The following NDUFA8 variants were observed in gnomAD, a reference collection of about 807,000 sequenced individuals.
NDUFA8 encodes the protein NADH dehydrogenase [ubiquinone] 1 alpha subcomplex subunit 8.
A neutral mutation model predicts 20.9 loss-of-function variants in NDUFA8; 16 were observed. The observed-to-expected ratio is 0.77, with a 90% confidence interval of 0.52 to 1.16. NDUFA8 has a LOEUF of 1.16. NDUFA8 is among the 50% of genes most tolerant of loss of function. The pLI is 0.00. For missense variants in NDUFA8, 202 were observed against 216.4 expected (o/e 0.93, Z 0.42); for synonymous variants, 70 against 76.1 (o/e 0.92, Z 0.41).
intron 2 of NDUFA8, among the ~76,000 whole-genome samples, chr9:122,149,686 TG>T (rs1249770865): frequency 6.6e-6 from 1 of 152,232 alleles, no homozygotes; most frequent in African/African-American, 2.4e-5. Context: ...GGCTGGATGC[TG>T]TGGCTCATGC....
chr9:122,140,568 T>G (rs1262233521), downstream of NDUFA8, among the ~76,000 whole-genome samples: 2 of 152,206 alleles, frequency 1.3e-5, no homozygotes, highest in Non-Finnish European at 2.9e-5. Flanking sequence ...GTTAATCATT[T>G]CCTGGATGTT....
At chr9:122,149,076 G>A (rs1447790122) in intron 2 of NDUFA8, among the ~76,000 whole-genome samples, 2 of 152,124 alleles carry the variant, frequency 1.3e-5, no homozygotes, top group African/African-American at 4.8e-5. Flanking sequence ...CCATACTTGA[G>A]GCAGTGAAAT....
intron 3 of NDUFA8, among the ~76,000 whole-genome samples, chr9:122,146,127 C>A (rs1828901723): frequency 6.6e-6 from 1 of 152,164 alleles, no homozygotes; most frequent in South Asian, 2.1e-4. Context: ...GCCTGGGTGA[C>A]AGAGTGAGAC....
At chr9:122,145,066 A>G (rs1256040261) in intron 3 of NDUFA8, among the ~76,000 whole-genome samples, 1 of 152,230 alleles carries the variant, frequency 6.6e-6, no homozygotes, top group Non-Finnish European at 1.5e-5. Context: ...AATTGTACAC[A>G]AAGCCAGATA....
chr9:122,143,954 T>C, downstream of NDUFA8: 1 of 837,760 alleles, frequency 1.2e-6, no homozygotes, highest in Non-Finnish European at 1.6e-6. Flanking sequence ...AGCGAGTGCC[T>C]AAAGCAAAGC....
chr9:122,144,786 G>C (rs1401182061), intron 3 of NDUFA8, among the ~76,000 whole-genome samples: 3 of 152,166 alleles, frequency 2.0e-5, no homozygotes, highest in Non-Finnish European at 4.4e-5. Flanking sequence ...TATTTTTAAG[G>C]AGGTAAGACT....
At chr9:122,134,855 A>C in the NDUFA8 span, among the ~76,000 whole-genome samples, 2 of 152,114 alleles carry the variant, frequency 1.3e-5, no homozygotes, top group African/African-American at 4.8e-5. Context: ...CATTCCTGAC[A>C]CTGGACTTGG....
chr9:122,156,804 C>A (rs1234382829), intron 1 of NDUFA8, among the ~76,000 whole-genome samples: 2 of 152,226 alleles, frequency 1.3e-5, no homozygotes, highest in East Asian at 3.8e-4. Flanking sequence ...TATACTTGTT[C>A]TTTGCTCTCT....
At position 122,159,725 on chromosome 9, in the gene NDUFA8, C is replaced by T; in HGVS notation, c.-48G>A. ...ACGAGAAGCCCTCAGCCGCGTCGCC[C>T]CCGTCTCCTTGAACTCCCCTTTCGA... On this transcript the variant is annotated 5_prime_UTR_variant, in exon 1 of 4. Coordinates refer to ENST00000373768, the MANE Select transcript of NDUFA8 (RefSeq NM_014222.3). 6.2e-7 allele frequency: 1 copy of T among 1,613,618 alleles called. No homozygotes were observed. Among genetic ancestry groups the T allele is most frequent in the Non-Finnish European group, 8.5e-7 (1 of 1,179,764 alleles).
Position 122,148,253 on chromosome 9 carries a change from C to T in NDUFA8, c.240G>A (p.Glu80=), listed in dbSNP as rs1828937052. The T allele has an allele frequency of 1.2e-6, 2 of 1,614,044 alleles. No individual in the cohort carries two copies. Among genetic ancestry groups the T allele is most frequent in the East Asian group, 2.2e-5 (1 of 44,882 alleles). ...FFRQIKRHCA[E]PFTEYWTCID... is the part of the protein sequence containing the mutation. ...TGCAAGTCCAATATTCTGTAAAAGG[C>T]TCTGCACAGTGACGTTTTATCTGCC... The change falls in exon 3 of 4, where the codon GAG becomes GAA. Residue 80 remains glutamate (E), a synonymous_variant. Coordinates refer to ENST00000373768, the MANE Select transcript of NDUFA8 (RefSeq NM_014222.3).
the NDUFA8 span, among the ~76,000 whole-genome samples, chr9:122,134,767 G>T: frequency 6.6e-6 from 1 of 152,180 alleles, no homozygotes; most frequent in Non-Finnish European, 1.5e-5. Context: ...CATCTGTGAA[G>T]TAAAGGGAAT....
At chr9:122,155,061 T>C (rs1270893611) in intron 1 of NDUFA8, among the ~76,000 whole-genome samples, 3 of 152,108 alleles carry the variant, frequency 2.0e-5, no homozygotes, top group Non-Finnish European at 4.4e-5. Context: ...GTGAGAACAG[T>C]CTGTAATTTT....
chr9:122,156,888 G>A (rs143760994), intron 1 of NDUFA8, among the ~76,000 whole-genome samples: 3 of 152,286 alleles, frequency 2.0e-5, no homozygotes, highest in African/African-American at 4.8e-5. Flanking sequence ...AAGAGCCACT[G>A]AGACTAGTCT....
At chr9:122,140,203 ATCTG>A (rs1423294161), downstream of NDUFA8, among the ~76,000 whole-genome samples, 2 of 152,346 alleles carry the variant, frequency 1.3e-5, no homozygotes, top group East Asian at 1.9e-4. Flanking sequence ...AGTCTCTGGA[ATCTG>A]TCTTATTTTT....
chr9:122,133,858 G>T, the NDUFA8 span, among the ~76,000 whole-genome samples: 1 of 152,158 alleles, frequency 6.6e-6, no homozygotes, highest in Non-Finnish European at 1.5e-5. Flanking sequence ...AAACAATAGC[G>T]CTGTCAGGAA....
intron 1 of NDUFA8, among the ~76,000 whole-genome samples, chr9:122,158,744 T>C (rs1829121779): frequency 6.7e-6 from 1 of 148,984 alleles, no homozygotes; most frequent in Admixed American, 6.7e-5. Flanking sequence ...CAATTGTGTA[T>C]ATATATATAT....
intron 2 of NDUFA8, among the ~76,000 whole-genome samples, chr9:122,150,007 G>A (rs370201822): frequency 6.6e-6 from 1 of 151,896 alleles, no homozygotes; most frequent in Non-Finnish European, 1.5e-5. Context: ...ACTCAATCTC[G>A]CTGGCAATCA....
chr9:122,152,143 T>G (rs976889602), intron 2 of NDUFA8, 102 bp downstream of exon 2: 60 of 1,333,114 alleles, frequency 4.5e-5, no homozygotes, highest in Non-Finnish European at 6.2e-5. Flanking sequence ...TTTCAAAGCC[T>G]ATGTACTTCC....
intron 3 of NDUFA8, among the ~76,000 whole-genome samples, chr9:122,147,085 C>T (rs1280005129): frequency 6.6e-6 from 1 of 152,216 alleles, no homozygotes. Flanking sequence ...GTTTTCCACA[C>T]AGATCACTCT....
Sources: allele counts gnomAD v4.1 joint callset (sites outside exome capture counted in the v4.1 genomes callset), GRCh38; gene constraint gnomAD v4.1.1; transcripts MANE v1.5; gene names NCBI Gene and HGNC (gene_info 2026-07-23, HGNC 2026-07-21).